RNF220: variants seen among roughly 807,000 people sequenced by gnomAD.
RNF220 encodes E3 ubiquitin-protein ligase RNF220.
RNF220 carries 7 observed loss-of-function variants against 67.1 expected under a neutral mutation model. The ratio of observed to expected loss-of-function variants is 0.10; its 90% CI spans 0.06 to 0.20. The LOEUF (loss-of-function observed/expected upper bound fraction) is 0.20, where lower values mean the gene tolerates loss of function less well. RNF220 is among the 10% of genes least tolerant of loss of function. The pLI, the probability that RNF220 is intolerant of heterozygous loss-of-function variation, is 1.00. For missense variants in RNF220, 565 were observed against 740.3 expected, an observed-to-expected ratio of 0.76 and a Z score of 2.75; for synonymous variants, 270 against 283.2, an observed-to-expected ratio of 0.95 and a Z score of 0.47.
intron 2 of RNF220, among the ~76,000 whole-genome samples, chr1:44,435,857 G>A (rs987672011): frequency 6.6e-6 from 1 of 152,124 alleles, no homozygotes; most frequent in Non-Finnish European, 1.5e-5. Context: ...TTGAACCAGA[G>A]GTTGTAGTGA....
intron 2 of RNF220, among the ~76,000 whole-genome samples, chr1:44,512,017 C>T (rs1659055182): frequency 6.6e-6 from 1 of 151,548 alleles, no homozygotes; most frequent in African/African-American, 2.4e-5. Context: ...AACAGAAAAA[C>T]AGATGTGTTG....
intron 2 of RNF220, among the ~76,000 whole-genome samples, chr1:44,546,485 G>A (rs1010679782): frequency 7.9e-5 from 12 of 152,102 alleles, no homozygotes; most frequent in African/African-American, 2.7e-4. Context: ...ATGCTGCTGC[G>A]GGTCCCCAGC....
At chr1:44,560,162 A>G (rs570098882) in intron 2 of RNF220, among the ~76,000 whole-genome samples, 15 of 152,322 alleles carry the variant, frequency 9.8e-5, no homozygotes, top group Non-Finnish European at 1.3e-4. Context: ...AACTGGGTCT[A>G]AATCATCCAT....
At chr1:44,432,034 A>G (rs1650432933) in intron 2 of RNF220, among the ~76,000 whole-genome samples, 1 of 152,128 alleles carries the variant, frequency 6.6e-6, no homozygotes, top group South Asian at 2.1e-4. Context: ...GCAACCAACT[A>G]CTTCATCCTT....
chr1:44,637,087 G>A (rs1276126669), intron 8 of RNF220, among the ~76,000 whole-genome samples: 2 of 152,228 alleles, frequency 1.3e-5, no homozygotes, highest in Non-Finnish European at 2.9e-5. Flanking sequence ...AACACCTTTG[G>A]GAATACTGCT....
chr1:44,534,490 C>T (rs1661056655), intron 2 of RNF220, among the ~76,000 whole-genome samples: 2 of 152,084 alleles, frequency 1.3e-5, no homozygotes, highest in African/African-American at 4.8e-5. Context: ...GAACTTGATT[C>T]TTTAGTCAAT....
chr1:44,481,164 T>C (rs1282318820), intron 2 of RNF220, among the ~76,000 whole-genome samples: 1 of 152,122 alleles, frequency 6.6e-6, no homozygotes, highest in East Asian at 1.9e-4. Context: ...GGCATACGCC[T>C]GTAATCCCAG....
At chr1:44,500,731 C>T (rs1557986205) in intron 2 of RNF220, among the ~76,000 whole-genome samples, 2 of 152,202 alleles carry the variant, frequency 1.3e-5, no homozygotes, top group Admixed American at 1.3e-4. Context: ...CTGGGCATCC[C>T]CCTCCCCAGA....
intron 2 of RNF220, among the ~76,000 whole-genome samples, chr1:44,466,420 T>A (rs558348689): frequency 6.6e-6 from 1 of 152,368 alleles, no homozygotes; most frequent in East Asian, 1.9e-4. Flanking sequence ...ATTGATACTT[T>A]GGCCCCCTCC....
chr1:44,478,800 G>A (rs1023544083), intron 2 of RNF220, among the ~76,000 whole-genome samples: 1 of 152,138 alleles, frequency 6.6e-6, no homozygotes, highest in Non-Finnish European at 1.5e-5. Flanking sequence ...GGCAAATGTT[G>A]ACAGGTCCCA....
intron 2 of RNF220, among the ~76,000 whole-genome samples, chr1:44,566,428 T>A (rs1664020470): frequency 6.6e-6 from 1 of 152,204 alleles, no homozygotes; most frequent in African/African-American, 2.4e-5. Context: ...TCCAGCACCC[T>A]AGCCTATGGA....
At chr1:44,644,055 C>T (rs1485513766) in intron 8 of RNF220, 1 of 153,594 alleles carries the variant, frequency 6.5e-6, no homozygotes, top group African/African-American at 2.4e-5. Context: ...GCATGCCTGT[C>T]CTCCCTCGTC....
At chr1:44,537,243 T>C (rs1173249988) in intron 2 of RNF220, among the ~76,000 whole-genome samples, 1 of 152,164 alleles carries the variant, frequency 6.6e-6, no homozygotes, top group African/African-American at 2.4e-5. Flanking sequence ...CCTCTAAACT[T>C]GATAGAGTTC....
chr1:44,511,636 A>C (rs1028956476), intron 2 of RNF220, among the ~76,000 whole-genome samples: 1 of 152,262 alleles, frequency 6.6e-6, no homozygotes, highest in African/African-American at 2.4e-5. Flanking sequence ...CAAATCAGCA[A>C]GCCAGGATGA....
At chr1:44,421,782 C>A (rs1035017046) in intron 2 of RNF220, among the ~76,000 whole-genome samples, 110 of 152,092 alleles carry the variant, frequency 7.2e-4, no homozygotes, top group Non-Finnish European at 1.4e-3. Flanking sequence ...CAGAGAATGA[C>A]TCTGCATGTC....
rs531027869 is a variant in RNF220, at chr1:44,475,821, C to T, written c.625+63099C>T. Reference sequence around the variant, plus strand: ...GAGGTCAAGAGATCAAGACCATCCTCGCCAACATGGTGAAACCCTGTCTCT... The same window carrying T: ...GAGGTCAAGAGATCAAGACCATCCTTGCCAACATGGTGAAACCCTGTCTCT... On this transcript the variant is annotated intron_variant, in intron 2 of 14. Transcript: ENST00000361799. Among the ~76,000 whole-genome samples the T allele has an allele frequency of 4.2e-5, 6 of 142,680 alleles. No individual in the cohort carries two copies. The East Asian group carries it at 7.8e-4, about 19-fold the overall frequency. The allele number at this position is 142,680 out of a possible 152,430, so 93.6% of individuals were successfully genotyped here. A position where few individuals can be genotyped will look rare whatever the true frequency, so the allele number is the denominator to read the frequency against.
At chr1:44,408,486 C>T (rs1393103071) in intron 1 of RNF220, among the ~76,000 whole-genome samples, 1 of 152,204 alleles carries the variant, frequency 6.6e-6, no homozygotes, top group East Asian at 1.9e-4. Context: ...GAATTCTCTT[C>T]AAGCGAAGAA....
chr1:44,429,350 T>C (rs927853330), intron 2 of RNF220, among the ~76,000 whole-genome samples: 2 of 152,240 alleles, frequency 1.3e-5, no homozygotes, highest in Non-Finnish European at 2.9e-5. Context: ...ATATTCCTTC[T>C]AATATTCTGA....
At chr1:44,543,508 G>A (rs1028023709) in intron 2 of RNF220, among the ~76,000 whole-genome samples, 3 of 152,076 alleles carry the variant, frequency 2.0e-5, no homozygotes, top group Admixed American at 1.3e-4. Context: ...ATTTTTCTTT[G>A]GGGACTGATC....
Sources: gnomAD v4.1 joint callset for allele counts (sites outside exome capture counted in the v4.1 genomes callset) on GRCh38, gnomAD v4.1.1 for gene constraint, MANE v1.5 for transcripts, NCBI Gene and HGNC (gene_info 2026-07-23, HGNC 2026-07-21) for gene names.